Variants in PRKG1 observed in about 807,000 individuals in gnomAD.
PRKG1 encodes the protein cGMP-dependent protein kinase 1.
PRKG1 carries 35 observed loss-of-function variants against 88.1 expected under a neutral mutation model. The ratio of observed to expected loss-of-function variants is 0.40; its 90% CI spans 0.30 to 0.53. The LOEUF is 0.53. PRKG1 is among the 20% of genes least tolerant of loss of function. The probability of loss-of-function intolerance (pLI) is 0.59; values close to 1 mark genes in which losing one functional copy is unlikely to be tolerated. For synonymous variants in PRKG1, 303 were observed against 292.5 expected (o/e 1.04, Z -0.37); for missense variants, 540 against 839.8 (o/e 0.64, Z 4.41).
chr10:50,993,545 T>G (rs1264708131), intron 1 of PRKG1, among the ~76,000 whole-genome samples: 4 of 152,212 alleles, frequency 2.6e-5, no homozygotes, highest in Non-Finnish European at 5.9e-5. Context: ...CTGGAATCAA[T>G]CTGCCCACCT....
intron 3 of PRKG1, among the ~76,000 whole-genome samples, chr10:51,576,467 T>C (rs2132177141): frequency 6.6e-6 from 1 of 152,110 alleles, no homozygotes; most frequent in East Asian, 1.9e-4. Context: ...TTGATGAATA[T>C]GTGTTATGTC....
intron 2 of PRKG1, among the ~76,000 whole-genome samples, chr10:51,306,366 T>G (rs1841037669): frequency 6.6e-6 from 1 of 152,166 alleles, no homozygotes; most frequent in East Asian, 1.9e-4. Flanking sequence ...ATCACCTATT[T>G]GAGATTGATA....
chr10:51,110,684 G>T (rs1353903021), intron 1 of PRKG1, among the ~76,000 whole-genome samples: 1 of 151,966 alleles, frequency 6.6e-6, no homozygotes, highest in Non-Finnish European at 1.5e-5. Context: ...ATATATTTGT[G>T]TATATTTTAT....
intron 2 of PRKG1, among the ~76,000 whole-genome samples, chr10:51,171,420 A>T (rs946975207): frequency 1.8e-4 from 28 of 151,960 alleles, no homozygotes; most frequent in Non-Finnish European, 4.4e-5. Flanking sequence ...GAGCAGCTGT[A>T]CCTCTTGTAG....
chr10:51,913,970 C>T lies in PRKG1; in HGVS notation c.762+6400C>T, dbSNP rs568591368. The stretch of plus-strand genomic sequence containing the variant: ...TTAATTGAATGTATTTGAGTCTATT[C>T]TGAGAGTCTAGGATGTACCTGGGGG... On this transcript the variant is annotated intron_variant, in intron 5 of 17. Transcript: ENST00000373980. Among the ~76,000 whole-genome samples, 7 of 152,236 alleles carry T rather than the reference C, an allele frequency of 4.6e-5. No homozygotes were observed. In the South Asian group the frequency reaches 6.2e-4, roughly 14 times the overall value.
chr10:51,478,189 A>G (rs1564515177), intron 3 of PRKG1, among the ~76,000 whole-genome samples: 1 of 152,100 alleles, frequency 6.6e-6, no homozygotes. Context: ...AAGGCTTTGG[A>G]CAAATTACGA....
intron 10 of PRKG1, among the ~76,000 whole-genome samples, chr10:52,263,181 A>T (rs967021504): frequency 1.3e-5 from 2 of 152,136 alleles, no homozygotes; most frequent in African/African-American, 4.8e-5. Flanking sequence ...ATGACTTTTT[A>T]AAAATGTGTC....
intron 10 of PRKG1, 104 bp from the exon 11 acceptor site, chr10:52,271,246 G>T (rs1841723329): frequency 2.4e-6 from 3 of 1,228,970 alleles, no homozygotes; most frequent in Non-Finnish European, 3.4e-6. Context: ...TTGGGAGGTG[G>T]CTGAGGTTCA....
At chr10:51,722,874 A>G (rs1472783947) in intron 3 of PRKG1, among the ~76,000 whole-genome samples, 1 of 152,228 alleles carries the variant, frequency 6.6e-6, no homozygotes, top group Non-Finnish European at 1.5e-5. Context: ...GTCTCGCAGA[A>G]AAGTTCATAA....
chr10:52,120,845 A>G (rs571179204), intron 7 of PRKG1, among the ~76,000 whole-genome samples: 1 of 151,948 alleles, frequency 6.6e-6, no homozygotes, highest in African/African-American at 2.4e-5. Context: ...CCCCACTCCT[A>G]TGGCTCCACT....
chr10:51,033,214 C>A (rs1843309279), intron 1 of PRKG1, among the ~76,000 whole-genome samples: 2 of 152,140 alleles, frequency 1.3e-5, no homozygotes, highest in South Asian at 4.1e-4. Context: ...GTGCTTCCCT[C>A]CTTCAAGTAT....
At chr10:52,147,120 A>C (rs541733048) in intron 8 of PRKG1, among the ~76,000 whole-genome samples, 145 of 152,338 alleles carry the variant, frequency 9.5e-4, no homozygotes, top group Non-Finnish European at 1.8e-3. Flanking sequence ...GACTTCAGAA[A>C]ACTGGGAGTA....
chr10:52,127,750 G>A (rs1157658021), intron 7 of PRKG1, among the ~76,000 whole-genome samples: 1 of 152,136 alleles, frequency 6.6e-6, no homozygotes, highest in African/African-American at 2.4e-5. Flanking sequence ...GTGCAAGCAT[G>A]ATTAGAAGGT....
chr10:51,208,409 T>C (rs901673836), intron 2 of PRKG1, among the ~76,000 whole-genome samples: 1 of 152,164 alleles, frequency 6.6e-6, no homozygotes, highest in African/African-American at 2.4e-5. Context: ...TGCATAATAT[T>C]CTAATTTTTC....
intron 4 of PRKG1, among the ~76,000 whole-genome samples, chr10:51,856,686 C>T (rs1840687328): frequency 6.6e-6 from 1 of 152,116 alleles, no homozygotes; most frequent in Non-Finnish European, 1.5e-5. Context: ...TTAGACATGG[C>T]CAGGCATGGT....
chr10:51,371,272 C>T lies in PRKG1; in HGVS notation c.479-96451C>T, dbSNP rs541675100. ...GATGATCATGCCAGGAATGGTGGCT[C>T]ATGCCTATGGTCCCAGCTACTTGGG... is the stretch of plus-strand genomic sequence containing the variant. On this transcript the variant is annotated intron_variant, in intron 2 of 17. Coordinates refer to ENST00000373980, the MANE Select transcript of PRKG1 (RefSeq NM_006258.4). 3.3e-5 allele frequency among the ~76,000 whole-genome samples: 5 copies of T among 152,122 alleles called. No homozygotes were observed. The South Asian group carries it at 6.2e-4, about 19-fold the overall frequency.
At chr10:51,265,857 G>C (rs1475503293) in intron 2 of PRKG1, among the ~76,000 whole-genome samples, 5 of 152,166 alleles carry the variant, frequency 3.3e-5, no homozygotes, top group Non-Finnish European at 5.9e-5. Flanking sequence ...GGCACATCCA[G>C]GTAAGAGAGC....
At chr10:51,126,554 G>A (rs1589173486) in intron 1 of PRKG1, among the ~76,000 whole-genome samples, 2 of 147,576 alleles carry the variant, frequency 1.4e-5, no homozygotes, top group African/African-American at 4.9e-5. Flanking sequence ...TATATAATTT[G>A]TAGATTTAAT....
chr10:51,467,217 A>T (rs1564510552), intron 2 of PRKG1, among the ~76,000 whole-genome samples: 1 of 152,022 alleles, frequency 6.6e-6, no homozygotes, highest in Non-Finnish European at 1.5e-5. Context: ...TAGGAAGCAG[A>T]TAAGACAGTC....
Sources: allele counts gnomAD v4.1 joint callset (sites outside exome capture counted in the v4.1 genomes callset), GRCh38; gene constraint gnomAD v4.1.1; transcripts MANE v1.5; gene names NCBI Gene and HGNC (gene_info 2026-07-23, HGNC 2026-07-21).